Variants in SYN2 observed in about 807,000 individuals in gnomAD.
The protein encoded by SYN2 is synapsin-2.
Under a neutral mutation model 50.9 loss-of-function variants are expected in SYN2, and 19 were observed. The observed-to-expected ratio is 0.37, with a 90% CI of 0.26 to 0.55. The LOEUF is 0.55. Among genes scored for constraint, SYN2 ranks in the 20% least tolerant of loss-of-function variants. SYN2 has a pLI of 0.81. For missense variants in SYN2, 587 were observed against 576.4 expected (o/e 1.02, Z -0.19); for synonymous variants, 255 against 224.9 (o/e 1.13, Z -1.20).
intron 1 of SYN2, among the ~76,000 whole-genome samples, chr3:12,010,931 A>G (rs1693900019): frequency 1.3e-5 from 2 of 152,218 alleles, no homozygotes; most frequent in South Asian, 4.1e-4. Flanking sequence ...CTCATCAATG[A>G]TGGGAATTGG....
chr3:12,016,234 CT>C (rs139888056), intron 1 of SYN2, among the ~76,000 whole-genome samples: 1,787 of 152,214 alleles, frequency 0.012, 25 homozygotes, highest in Non-Finnish European at 0.018. Context: ...TTCTAGAGTC[CT>C]GTGTTCACTA....
intron 1 of SYN2, among the ~76,000 whole-genome samples, chr3:12,072,452 T>C (rs760164028): frequency 2.6e-5 from 4 of 152,254 alleles, no homozygotes; most frequent in Non-Finnish European, 5.9e-5. Flanking sequence ...TTTTATAGAT[T>C]TAGCTCTTAC....
intron 1 of SYN2, among the ~76,000 whole-genome samples, chr3:12,105,674 A>T (rs1696170749): frequency 6.6e-6 from 1 of 151,950 alleles, no homozygotes; most frequent in Non-Finnish European, 1.5e-5. Flanking sequence ...TGTCACTTGA[A>T]GATTTTTCTC....
rs1258137460 is a variant in SYN2, at chr3:12,112,373, C to T, written c.378-28278C>T. On this transcript the variant is annotated intron_variant, in intron 1 of 12. Coordinates refer to ENST00000621198, the MANE Select transcript of SYN2 (RefSeq NM_133625.6). ...TGATTAATTGCCCCTGTCAAATGAA[C>T]GGTGACATGGGCCACTTAGGTTTGG... Among the ~76,000 whole-genome samples the T allele has an allele frequency of 3.9e-5, 6 of 152,054 alleles. 1 individual carries two copies. The highest frequency in any genetic ancestry group is 4.1e-4 in the South Asian group (2 of 4,828).
chr3:12,124,951 C>T (rs1696636514), intron 1 of SYN2, among the ~76,000 whole-genome samples: 1 of 151,992 alleles, frequency 6.6e-6, no homozygotes, highest in Non-Finnish European at 1.5e-5. Flanking sequence ...ATGTTATATT[C>T]TTTAAATATA....
At chr3:12,124,734 C>A (rs747857920) in intron 1 of SYN2, among the ~76,000 whole-genome samples, 4 of 152,040 alleles carry the variant, frequency 2.6e-5, no homozygotes, top group Non-Finnish European at 5.9e-5. Flanking sequence ...CCCAAACAAG[C>A]AAAACAGTAC....
intron 10 of SYN2, among the ~76,000 whole-genome samples, chr3:12,172,917 C>T (rs1697969629): frequency 6.6e-6 from 1 of 152,252 alleles, no homozygotes; most frequent in Admixed American, 6.5e-5. Flanking sequence ...CAAATACTTT[C>T]AGCCCATGTG....
At chr3:12,120,307 T>G (rs1034052754) in intron 1 of SYN2, among the ~76,000 whole-genome samples, 5 of 152,196 alleles carry the variant, frequency 3.3e-5, no homozygotes, top group Non-Finnish European at 7.4e-5. Flanking sequence ...AGAGCTTTAT[T>G]TCCCAAGGGG....
chr3:12,088,125 A>G (rs1695750837), intron 1 of SYN2, among the ~76,000 whole-genome samples: 1 of 152,220 alleles, frequency 6.6e-6, no homozygotes, highest in Non-Finnish European at 1.5e-5. Context: ...GTGAAGAGAC[A>G]ACCACGGATT....
At chr3:12,176,731 G>C (rs1698079447) in intron 10 of SYN2, among the ~76,000 whole-genome samples, 1 of 152,236 alleles carries the variant, frequency 6.6e-6, no homozygotes, top group Admixed American at 6.5e-5. Flanking sequence ...ATGAGTAAAA[G>C]TTAAAGGAAT....
At chr3:12,185,252 A>G in intron 11 of SYN2, 1 of 985,810 alleles carries the variant, frequency 1.0e-6, no homozygotes, top group Non-Finnish European at 1.2e-6. Context: ...AGAATGGAGG[A>G]ATACATTATT....
intron 1 of SYN2, among the ~76,000 whole-genome samples, chr3:12,112,773 A>G (rs1174854505): frequency 6.6e-6 from 1 of 152,168 alleles, no homozygotes; most frequent in Admixed American, 6.6e-5. Context: ...AGTTCATTAT[A>G]CTATACCACA....
intron 10 of SYN2, among the ~76,000 whole-genome samples, chr3:12,175,802 G>A (rs766559363): frequency 6.6e-6 from 1 of 152,212 alleles, no homozygotes; most frequent in Non-Finnish European, 1.5e-5. Flanking sequence ...ATGGTGGTGG[G>A]CCCAAGCCAG....
chr3:12,075,434 A>G (rs372147788), intron 1 of SYN2, among the ~76,000 whole-genome samples: 1 of 152,166 alleles, frequency 6.6e-6, no homozygotes, highest in Non-Finnish European at 1.5e-5. Flanking sequence ...AGTACAATTG[A>G]TATGATGTCA....
chr3:12,179,888 G>A (rs956472862), intron 10 of SYN2, among the ~76,000 whole-genome samples: 7 of 152,180 alleles, frequency 4.6e-5, no homozygotes, highest in Admixed American at 2.6e-4. Context: ...CATCATTACA[G>A]ACTGACACCC....
chr3:12,112,998 G>A (rs1696357249), intron 1 of SYN2, among the ~76,000 whole-genome samples: 1 of 152,168 alleles, frequency 6.6e-6, no homozygotes. Flanking sequence ...TGAAGGAACT[G>A]TCAAGAAGGT....
At chr3:12,097,138 G>T (rs938527469) in intron 1 of SYN2, among the ~76,000 whole-genome samples, 1 of 152,156 alleles carries the variant, frequency 6.6e-6, no homozygotes, top group African/African-American at 2.4e-5. Context: ...AGAACTAGAA[G>T]TACCATTTGA....
chr3:12,023,809 G>A (rs1694198092), intron 1 of SYN2, among the ~76,000 whole-genome samples: 1 of 152,096 alleles, frequency 6.6e-6, no homozygotes, highest in African/African-American at 2.4e-5. Flanking sequence ...GACCAACTAG[G>A]AGCATGTTTT....
chr3:12,083,273 A>G (rs1194618916), intron 1 of SYN2, among the ~76,000 whole-genome samples: 2 of 152,164 alleles, frequency 1.3e-5, no homozygotes, highest in Non-Finnish European at 2.9e-5. Flanking sequence ...CAGCCTCCCA[A>G]AGTGTTGGGA....
Sources: allele counts gnomAD v4.1 joint callset (sites outside exome capture counted in the v4.1 genomes callset), GRCh38; gene constraint gnomAD v4.1.1; transcripts MANE v1.5; gene names NCBI Gene and HGNC (gene_info 2026-07-23, HGNC 2026-07-21).